TAFA3: variants seen among roughly 807,000 people sequenced by gnomAD.
TAFA3 encodes the protein TAFA chemokine like family member 3.
TAFA3 carries 17 observed loss-of-function variants against 20.7 expected under a neutral mutation model. That is an observed-to-expected ratio of 0.82 (90% CI 0.56 to 1.23). The LOEUF (loss-of-function observed/expected upper bound fraction) is 1.23, where lower values mean the gene tolerates loss of function less well. TAFA3 is among the 50% of genes most tolerant of loss of function. The pLI is 0.00. For missense variants in TAFA3, 174 were observed against 172.8 expected (o/e 1.01, Z -0.04); for synonymous variants, 74 against 71.8 (o/e 1.03, Z -0.16).
chr1:112,722,608 T>C (rs192328998), intron 3 of TAFA3, among the ~76,000 whole-genome samples: 284 of 152,218 alleles, frequency 1.9e-3, no homozygotes, highest in African/African-American at 6.1e-3. Flanking sequence ...AGAGAGGCCC[T>C]CGGGTGAGGG....
chr1:112,724,020 C>T lies in TAFA3; in HGVS notation c.273C>T (p.Ile91=), dbSNP rs1242261273. 19 of 1,613,854 alleles carry T rather than the reference C, an allele frequency of 1.2e-5. No individual in the cohort carries two copies. Among genetic ancestry groups the T allele is most frequent in the South Asian group, 3.3e-5 (3 of 91,070 alleles). Residue 91 remains isoleucine, a synonymous_variant, in exon 5 of 6, where the codon ATC becomes ATT. Coordinates refer to ENST00000361886, the MANE Select transcript of TAFA3 (RefSeq NM_182759.3). ...RAKPSCVDAS[I]VLQRWWCQME... is the part of the protein sequence containing the mutation. ...CGCCTCCTGCTCCCACAGCCTCCAT[C>T]GTCCTGCAGAGATGGTGGTGTCAGA...
chr1:112,725,859 CT>C (rs1675458376), intron 5 of TAFA3, among the ~76,000 whole-genome samples: 4 of 152,152 alleles, frequency 2.6e-5, no homozygotes, highest in African/African-American at 4.8e-5. Context: ...AGAAGGAGGG[CT>C]GGGTGCGGTG....
Position 112,723,051 on chromosome 1 carries a change from G to A in TAFA3, c.151G>A (p.Ala51Thr). 2 of 1,612,812 alleles carry A rather than the reference G, an allele frequency of 1.2e-6. No homozygotes were observed. Among genetic ancestry groups the A allele is most frequent in the East Asian group, 2.2e-5 (1 of 44,822 alleles). ...GCAGGGCACCTGCGAGGTGATTGCGGCTCACCGCTGCTGCAACCGGAACCG... is the reference window on the plus strand; with the variant it reads ...GCAGGGCACCTGCGAGGTGATTGCGACTCACCGCTGCTGCAACCGGAACCG... The part of the protein sequence containing the change: ...VQQGTCEVIA[A>T]HRCCNRNRIE... The change falls in exon 4 of 6, where the codon GCT becomes ACT. Residue 51 changes from alanine (A) to threonine (T), a missense_variant. Ala to Thr is a moderately conservative substitution (Grantham distance 58). Transcript: ENST00000361886.
At chr1:112,720,009 A>C (rs1675290921) in intron 1 of TAFA3, among the ~76,000 whole-genome samples, 1 of 152,120 alleles carries the variant, frequency 6.6e-6, no homozygotes, top group Non-Finnish European at 1.5e-5. Context: ...GAGAAATGGA[A>C]AGCTATTGGA....
At chr1:112,721,747 G>T (rs1675334392) in intron 2 of TAFA3, among the ~76,000 whole-genome samples, 1 of 152,210 alleles carries the variant, frequency 6.6e-6, no homozygotes, top group African/African-American at 2.4e-5. Flanking sequence ...CAGCTATCTG[G>T]ATGGGACTGC....
At position 112,726,932 on chromosome 1, in the gene TAFA3, AT is replaced by A. The variant is rs1312273388; in HGVS notation, c.*295del. On this transcript the variant is annotated 3_prime_UTR_variant, in exon 6 of 6. Transcript: ENST00000361886. The stretch of plus-strand genomic sequence containing the variant: ...GAGTTGATGACAGACAATTTAGATA[AT>A]TTAGGTTAAAGTACTTGATACCAGA... 4 of 472,254 alleles carry A rather than the reference AT, an allele frequency of 8.5e-6. No homozygotes were observed. Among genetic ancestry groups the A allele is most frequent in the Non-Finnish European group, 1.5e-5 (4 of 263,328 alleles). 29.3% of individuals were successfully genotyped at this position (472,254 alleles called of 1,614,324 possible).
intron 3 of TAFA3, 56 bp downstream of exon 3, chr1:112,722,404 T>C: frequency 1.4e-6 from 2 of 1,435,622 alleles, no homozygotes; most frequent in Admixed American, 3.4e-5. Flanking sequence ...CCTGGGGAGC[T>C]GGACACCACT....
chr1:112,726,701 A>T lies in TAFA3; in HGVS notation c.*61A>T, dbSNP rs201333009. ...ACTGAGCCGTGAACTGAAGAATGGTATCCAGTCATCAGCCAGGAAAGATGG... is the reference window on the plus strand; with the variant it reads ...ACTGAGCCGTGAACTGAAGAATGGTTTCCAGTCATCAGCCAGGAAAGATGG... On this transcript the variant is annotated 3_prime_UTR_variant, in exon 6 of 6. Transcript: ENST00000361886. The T allele has an allele frequency of 1.2e-6, 2 of 1,613,050 alleles. No homozygotes were observed. Among genetic ancestry groups the T allele is most frequent in the Admixed American group, 3.3e-5 (2 of 60,002 alleles).
chr1:112,718,980 G>C lies in TAFA3; in HGVS notation c.-379G>C, dbSNP rs1237025715. On this transcript the variant is annotated 5_prime_UTR_variant, in exon 1 of 6. Coordinates refer to ENST00000361886, the MANE Select transcript of TAFA3 (RefSeq NM_182759.3). ...TAGCCCGGGGCGAGGCGGCGGTTGC[G>C]GCGGCGGCTGCGCGCTCCCCGGCCT... 6.6e-6 allele frequency among the ~76,000 whole-genome samples: 1 copy of C among 152,180 alleles called. No individual in the cohort carries two copies. The highest frequency in any genetic ancestry group is 1.9e-4 in the East Asian group (1 of 5,196).
intron 3 of TAFA3, 144 bp from the exon 4 acceptor site, chr1:112,722,872 A>T: frequency 9.6e-7 from 1 of 1,037,070 alleles, no homozygotes; most frequent in Non-Finnish European, 1.4e-6. Context: ...GGAAGATTTC[A>T]TCCACTTCCT....
rs1675478258 is a variant in TAFA3 at position 112,726,647 on chromosome 1, G to C, written c.*7G>C. ...TCACCAGGTCACACGATAGCTCTTGGGGGTCACGGCCTGGACAAGAAAGGC... is the reference window on the plus strand; with the variant it reads ...TCACCAGGTCACACGATAGCTCTTGCGGGTCACGGCCTGGACAAGAAAGGC... On this transcript the variant is annotated 3_prime_UTR_variant, in exon 6 of 6. Transcript: ENST00000361886. 1.2e-6 allele frequency: 2 copies of C among 1,613,800 alleles called. No homozygotes were observed. The highest frequency in any genetic ancestry group is 1.3e-5 in the African/African-American group (1 of 74,892).
At chr1:112,723,297 G>C in intron 4 of TAFA3, 132 bp downstream of exon 4, 1 of 1,255,574 alleles carries the variant, frequency 8.0e-7, no homozygotes, top group Non-Finnish European at 1.1e-6. Context: ...CAAATGGTGG[G>C]GCCCCCTCTG....
At position 112,724,083 on chromosome 1, in the gene TAFA3, C is replaced by G; in HGVS notation, c.336C>G (p.Leu112=). The part of the protein sequence containing the change: ...PCLPGEECKV[L]PDLSGWSCSS... ...TGCCGGGGGAGGAGTGTAAGGTGCT[C>G]CCGGACCTGTCGGGATGGAGCTGCA... The change falls in exon 5 of 6, where the codon CTC becomes CTG. Residue 112 remains leucine (L), a synonymous_variant. Coordinates refer to ENST00000361886, the MANE Select transcript of TAFA3 (RefSeq NM_182759.3). 1 of 1,613,490 alleles carries G rather than the reference C, an allele frequency of 6.2e-7. No homozygotes were observed. The highest frequency in any genetic ancestry group is 8.5e-7 in the Non-Finnish European group (1 of 1,179,926).
At position 112,726,856 on chromosome 1, in the gene TAFA3, C is replaced by G; in HGVS notation, c.*216C>G. On this transcript the variant is annotated 3_prime_UTR_variant, in exon 6 of 6. Transcript: ENST00000361886. ...GTGGAGCTGGGCTTTTCTGGAGACA[C>G]GAAGGTCAACACACAATTCCTGCCC... 1.6e-6 allele frequency: 1 copy of G among 617,126 alleles called. No individual in the cohort carries two copies. The highest frequency in any genetic ancestry group is 2.9e-5 in the Admixed American group (1 of 34,522). The allele number at this position is 617,126 out of a possible 1,614,324, so 38.2% of individuals were successfully genotyped here.
chr1:112,725,485 T>C (rs1223774332), intron 5 of TAFA3, among the ~76,000 whole-genome samples: 1 of 150,856 alleles, frequency 6.6e-6, no homozygotes, highest in African/African-American at 2.4e-5. Context: ...GAGCTCCAGG[T>C]ACAGTAGTCA....
intron 4 of TAFA3, 137 bp downstream of exon 4, chr1:112,723,302 C>G (rs1675376610): frequency 1.0e-5 from 12 of 1,192,222 alleles, no homozygotes; most frequent in Non-Finnish European, 1.4e-5. Flanking sequence ...GGTGGGGCCC[C>G]CTCTGGGAGA....
chr1:112,724,140 A>T lies in TAFA3; in HGVS notation c.390+3A>T. ...GACACAAAGTCAAAACCACCAAGGT[A>T]CCCTGGGTGGGCACCTCATCCCACC... On this transcript the variant is annotated splice_donor_region_variant and intron_variant, in intron 5 of 5. Transcript: ENST00000361886. The T allele has an allele frequency of 6.3e-7, 1 of 1,589,832 alleles. No homozygotes were observed. The highest frequency in any genetic ancestry group is 8.6e-7 in the Non-Finnish European group (1 of 1,165,984).
At chr1:112,723,824 G>A (rs1675391142) in intron 4 of TAFA3, 189 bp from the exon 5 acceptor site, 2 of 1,105,610 alleles carry the variant, frequency 1.8e-6, no homozygotes, top group Non-Finnish European at 2.6e-6. Context: ...AAGTTGAGAG[G>A]GTTACGTCCC....
At chr1:112,719,745 A>C (rs533214928) in intron 1 of TAFA3, among the ~76,000 whole-genome samples, 1 of 152,226 alleles carries the variant, frequency 6.6e-6, no homozygotes, top group South Asian at 2.1e-4. Flanking sequence ...GGTCAAAAGG[A>C]GGGTTCCTGG....
Sources: allele counts gnomAD v4.1 joint callset (sites outside exome capture counted in the v4.1 genomes callset), GRCh38; gene constraint gnomAD v4.1.1; transcripts MANE v1.5; gene names NCBI Gene and HGNC (gene_info 2026-07-23, HGNC 2026-07-21).